The following PSMB7 variants were observed in gnomAD, a reference collection of about 807,000 sequenced individuals.
PSMB7 encodes proteasome subunit beta type-7.
PSMB7 carries 5 observed loss-of-function variants against 28.1 expected under a neutral mutation model. That is an observed-to-expected ratio of 0.18 (90% CI 0.09 to 0.37). The LOEUF (loss-of-function observed/expected upper bound fraction) is 0.37. PSMB7 is among the 10% of genes least tolerant of loss of function. The pLI is 1.00. For synonymous variants in PSMB7, 122 were observed against 123.7 expected, an observed-to-expected ratio of 0.99 and a Z score of 0.09; for missense variants, 275 against 346.2, an observed-to-expected ratio of 0.79 and a Z score of 1.63.
chr9:124,399,316 G>A (rs1429764918), intron 5 of PSMB7, among the ~76,000 whole-genome samples: 2 of 152,214 alleles, frequency 1.3e-5, no homozygotes, highest in Non-Finnish European at 2.9e-5. Flanking sequence ...TTGTGCAGGG[G>A]CAGGAGGGAC....
chr9:124,384,446 C>G (rs1830699107), intron 6 of PSMB7, 152 bp downstream of exon 6: 3 of 717,760 alleles, frequency 4.2e-6, no homozygotes, highest in Non-Finnish European at 6.6e-6. Context: ...GGAAGCTGGT[C>G]TCTTCGGCAA....
rs540066485 is a variant in PSMB7, at chr9:124,375,866, C to T, written c.570+8732G>A. 5.3e-5 allele frequency among the ~76,000 whole-genome samples: 8 copies of T among 152,300 alleles called. No individual in the cohort carries two copies. In the South Asian group the frequency reaches 1.0e-3, roughly 20 times the overall value. ...TGGGTTCCGCCAGCAAACCTCCCAG[C>T]GAGTGGTCACCTTCCTATGGAGTCA... On this transcript the variant is annotated intron_variant, in intron 6 of 7. Coordinates refer to ENST00000259457, the MANE Select transcript of PSMB7 (RefSeq NM_002799.4).
intron 6 of PSMB7, among the ~76,000 whole-genome samples, chr9:124,367,044 G>C (rs574993556): frequency 6.6e-6 from 1 of 152,198 alleles, no homozygotes; most frequent in African/African-American, 2.4e-5. Context: ...TTGAAACTAC[G>C]ACAGGGAAGC....
chr9:124,406,497 C>CAAA (rs772524538), intron 4 of PSMB7, among the ~76,000 whole-genome samples: 23 of 50,464 alleles, frequency 4.6e-4, no homozygotes, highest in African/African-American at 7.9e-4. Flanking sequence ...AGAGTTGTCT[C>CAAA]AAAAAAAAAA....
At chr9:124,384,683 G>C in intron 5 of PSMB7, 27 bp from the exon 6 acceptor site, 5 of 1,608,382 alleles carry the variant, frequency 3.1e-6, no homozygotes, top group Non-Finnish European at 3.4e-6. Flanking sequence ...CACTTTTAGT[G>C]TATTTTATGA....
chr9:124,387,216 A>G (rs1830733435), intron 5 of PSMB7, among the ~76,000 whole-genome samples: 1 of 152,234 alleles, frequency 6.6e-6, no homozygotes, highest in Admixed American at 6.5e-5. Flanking sequence ...ACTGCACTCC[A>G]GCCTGGGCGA....
chr9:124,359,059 C>T (rs1830442297), intron 6 of PSMB7, among the ~76,000 whole-genome samples: 1 of 152,178 alleles, frequency 6.6e-6, no homozygotes, highest in South Asian at 2.1e-4. Flanking sequence ...ATTTTGCAAA[C>T]AGTCTGTAAG....
intron 6 of PSMB7, among the ~76,000 whole-genome samples, chr9:124,359,868 T>G (rs1286881734): frequency 3.3e-5 from 5 of 152,178 alleles, no homozygotes; most frequent in South Asian, 2.1e-4. Flanking sequence ...ATCTCTACAA[T>G]GCAACACCAG....
intron 1 of PSMB7, 77 bp from the exon 2 acceptor site, chr9:124,415,012 G>A (rs1423972127): frequency 1.1e-6 from 1 of 947,872 alleles, no homozygotes; most frequent in Non-Finnish European, 1.6e-6. Flanking sequence ...GTGCCTAACA[G>A]AGAACTCAGG....
At chr9:124,406,123 C>A (rs188729469) in intron 4 of PSMB7, among the ~76,000 whole-genome samples, 38 of 152,310 alleles carry the variant, frequency 2.5e-4, no homozygotes, top group African/African-American at 6.7e-4. Context: ...TCCCATCACA[C>A]CTCTCTGTGA....
chr9:124,388,942 C>T (rs1830755517), intron 5 of PSMB7, among the ~76,000 whole-genome samples: 1 of 152,128 alleles, frequency 6.6e-6, no homozygotes, highest in Admixed American at 6.5e-5. Context: ...CCTCCATCCC[C>T]AACAGTCTCT....
intron 6 of PSMB7, among the ~76,000 whole-genome samples, chr9:124,367,309 A>G (rs1393014439): frequency 6.6e-6 from 1 of 152,128 alleles, no homozygotes; most frequent in African/African-American, 2.4e-5. Context: ...GGCCTTTCAT[A>G]ACTTCTTGGC....
In PSMB7 at chr9:124,395,529, A is replaced by T. The variant is rs560845423; in HGVS notation, c.511+9788T>A. Among the ~76,000 whole-genome samples the T allele has an allele frequency of 9.2e-3, 1,407 of 152,226 alleles. 10 individuals are homozygous for T. The highest frequency in any genetic ancestry group is 0.011 in the Non-Finnish European group (726 of 68,012). On this transcript the variant is annotated intron_variant, in intron 5 of 7. Transcript: ENST00000259457. Reference sequence around the variant, plus strand: ...ACAAATAAGTTAATTATTATTTTTTAAAAAGATCTGAACCCTATTTGACTT... The same window carrying T: ...ACAAATAAGTTAATTATTATTTTTTTAAAAGATCTGAACCCTATTTGACTT...
intron 6 of PSMB7, among the ~76,000 whole-genome samples, chr9:124,374,214 G>A (rs1355812818): frequency 6.6e-6 from 1 of 152,176 alleles, no homozygotes; most frequent in Non-Finnish European, 1.5e-5. Flanking sequence ...ATTAGTTATT[G>A]CCCAGGGCTG....
At chr9:124,382,956 G>T (rs1234377077) in intron 6 of PSMB7, among the ~76,000 whole-genome samples, 1 of 152,150 alleles carries the variant, frequency 6.6e-6, no homozygotes, top group African/African-American at 2.4e-5. Context: ...AAAGCTTTCA[G>T]GAAGATTTGA....
At chr9:124,383,472 C>G (rs964454632) in intron 6 of PSMB7, 3 of 152,156 alleles carry the variant, frequency 2.0e-5, no homozygotes, top group Non-Finnish European at 4.4e-5. Flanking sequence ...CCTATCTGTC[C>G]TGGCTGATCA....
chr9:124,385,329 C>T (rs1289605117), intron 5 of PSMB7, among the ~76,000 whole-genome samples: 1 of 152,158 alleles, frequency 6.6e-6, no homozygotes, highest in East Asian at 1.9e-4. Context: ...TAGCAAATGG[C>T]TGAAAGGTTA....
At chr9:124,386,437 A>G (rs1355445529) in intron 5 of PSMB7, among the ~76,000 whole-genome samples, 1 of 152,246 alleles carries the variant, frequency 6.6e-6, no homozygotes, top group East Asian at 1.9e-4. Flanking sequence ...GGTGAGAACC[A>G]GTCTCAGACT....
chr9:124,402,018 C>CA (rs34981907), intron 5 of PSMB7, among the ~76,000 whole-genome samples: 54,041 of 123,540 alleles, frequency 0.44, 11,870 homozygotes, highest in East Asian at 0.7. Flanking sequence ...GACTCAGTCT[C>CA]AAAAAAAAAA....
Sources: gnomAD v4.1 joint callset for allele counts (sites outside exome capture counted in the v4.1 genomes callset) on GRCh38, gnomAD v4.1.1 for gene constraint, MANE v1.5 for transcripts, NCBI Gene and HGNC (gene_info 2026-07-23, HGNC 2026-07-21) for gene names.